The following UMODL1 variants were observed in gnomAD, a reference collection of about 807,000 sequenced individuals.
UMODL1 encodes the protein uromodulin-like 1.
UMODL1 carries 128 observed loss-of-function variants against 136.3 expected under a neutral mutation model. The observed-to-expected ratio is 0.94, with a 90% CI of 0.81 to 1.09. The LOEUF is 1.09. Ranked by LOEUF, UMODL1 falls within the 50% of genes least tolerant of loss-of-function variation. The pLI is 0.00. For synonymous variants in UMODL1, 721 were observed against 720.0 expected, an observed-to-expected ratio of 1.00 and a Z score of -0.02; for missense variants, 1,766 against 1,725.6, an observed-to-expected ratio of 1.02 and a Z score of -0.41.
intron 14 of UMODL1, among the ~76,000 whole-genome samples, chr21:42,118,439 A>T (rs987899194): frequency 1.3e-5 from 2 of 152,242 alleles, no homozygotes; most frequent in African/African-American, 4.8e-5. Flanking sequence ...GAAGCTCATT[A>T]TAAGATTGTT....
intron 21 of UMODL1, among the ~76,000 whole-genome samples, chr21:42,132,095 C>G (rs1476091032): frequency 2.0e-5 from 3 of 152,126 alleles, no homozygotes; most frequent in African/African-American, 7.2e-5. Context: ...TATGGTTCAT[C>G]CATCATCCAC....
In UMODL1 at chr21:42,137,512, G is replaced by A. The variant is rs751114329; in HGVS notation, c.3849G>A (p.Leu1283=). 1.9e-6 allele frequency: 3 copies of A among 1,614,258 alleles called. No homozygotes were observed. The highest frequency in any genetic ancestry group is 1.7e-5 in the Admixed American group (1 of 60,034). Reference sequence around the variant, plus strand: ...TTATTGTGGTGGCCATCTTCGTGCTGGTGGCGGGAACAGCCACCCTTCTGA... The same window carrying A: ...TTATTGTGGTGGCCATCTTCGTGCTAGTGGCGGGAACAGCCACCCTTCTGA... ...VVLIVVAIFV[L]VAGTATLLIV... is the part of the protein sequence containing the mutation. The change falls in exon 22 of 23, where the codon CTG becomes CTA. Residue 1283 remains leucine (L), a synonymous_variant. Transcript: ENST00000408910.
intron 1 of UMODL1, among the ~76,000 whole-genome samples, chr21:42,074,365 T>G (rs1218270827): frequency 6.6e-6 from 1 of 152,194 alleles, no homozygotes; most frequent in African/African-American, 2.4e-5. Context: ...CTTGATACCC[T>G]CTGTAAGACA....
At chr21:42,138,127 C>T (rs1032224668) in intron 22 of UMODL1, among the ~76,000 whole-genome samples, 3 of 152,132 alleles carry the variant, frequency 2.0e-5, no homozygotes, top group African/African-American at 2.4e-5. Context: ...CTTGACCACC[C>T]GGGCAAGGTC....
Position 42,126,929 on chromosome 21 carries a change from G to C in UMODL1, c.3294-77G>C, listed in dbSNP as rs202216713. On this transcript the variant is annotated intron_variant, in intron 18 of 22. Coordinates refer to ENST00000408910, the MANE Select transcript of UMODL1 (RefSeq NM_001004416.3). Reference sequence around the variant, plus strand: ...ACGTTCCTCTGGAGCTGTGTTTTAGGGGAGAAGTGGGAATGGGAGGGGCCA... The same window carrying C: ...ACGTTCCTCTGGAGCTGTGTTTTAGCGGAGAAGTGGGAATGGGAGGGGCCA... 2,535 of 1,163,782 alleles carry C rather than the reference G, an allele frequency of 2.2e-3. 6 individuals are homozygous for C. Among genetic ancestry groups the C allele is most frequent in the Middle Eastern group, 9.8e-3 (49 of 4,984 alleles). The allele number at this position is 1,163,782 out of a possible 1,614,324, so 72.1% of individuals were successfully genotyped here.
At chr21:42,094,736 T>A (rs969017435) in intron 6 of UMODL1, among the ~76,000 whole-genome samples, 4 of 152,190 alleles carry the variant, frequency 2.6e-5, no homozygotes, top group African/African-American at 9.7e-5. Context: ...AAAGAGAGAT[T>A]GGCCTTAGCA....
At chr21:42,141,222 C>T (rs2067276862) in intron 22 of UMODL1, among the ~76,000 whole-genome samples, 1 of 152,228 alleles carries the variant, frequency 6.6e-6, no homozygotes, top group Non-Finnish European at 1.5e-5. Context: ...AAAAGGCAAC[C>T]TCCATGCTGC....
intron 2 of UMODL1, among the ~76,000 whole-genome samples, chr21:42,078,037 A>T (rs2066315939): frequency 6.6e-6 from 1 of 152,204 alleles, no homozygotes; most frequent in South Asian, 2.1e-4. Context: ...GGCCAGGCAG[A>T]GAGAGGGCCT....
Position 42,122,886 on chromosome 21 carries a change from A to T in UMODL1, c.2883A>T (p.Thr961=). The T allele has an allele frequency of 6.2e-7, 1 of 1,613,674 alleles. No homozygotes were observed. Among genetic ancestry groups the T allele is most frequent in the Non-Finnish European group, 8.5e-7 (1 of 1,179,806 alleles). ...WATSPERPLT[T]AGTKAAFVQG... ...CCAGCCCAGAGAGGCCTCTCACCAC[A>T]GCAGGGACCAAGGCTGCCTTTGTGC... Residue 961 remains threonine (T), a synonymous_variant, in exon 17 of 23, where the codon ACA becomes ACT. Coordinates refer to ENST00000408910, the MANE Select transcript of UMODL1 (RefSeq NM_001004416.3). The surrounding 1 kb of genome is among the most constrained non-coding windows in gnomAD (Gnocchi z 4.3).
intron 13 of UMODL1, 61 bp from the exon 14 acceptor site, chr21:42,115,812 A>G: frequency 7.7e-7 from 1 of 1,296,582 alleles, no homozygotes; most frequent in Non-Finnish European, 1.1e-6. Context: ...TTAATATTGA[A>G]ATGTTAGTCT....
intron 8 of UMODL1, chr21:42,102,560 G>T: frequency 4.9e-6 from 1 of 202,832 alleles, no homozygotes; most frequent in Non-Finnish European, 9.9e-6. Context: ...TGGATTTTCT[G>T]TGGAACCTTC....
intron 11 of UMODL1, 77 bp downstream of exon 11, chr21:42,111,198 G>C (rs1453176097): frequency 3.3e-6 from 5 of 1,532,704 alleles, no homozygotes; most frequent in Non-Finnish European, 3.5e-6. Flanking sequence ...GGGAGCCCCA[G>C]CCAGGGGAGC....
chr21:42,075,944 A>C, intron 1 of UMODL1, 61 bp from the exon 2 acceptor site: 1 of 1,593,148 alleles, frequency 6.3e-7, no homozygotes, highest in Non-Finnish European at 8.6e-7. Context: ...CCTTGCGGAT[A>C]ACCGCTCGCA....
chr21:42,080,798 C>T (rs982580794), intron 2 of UMODL1, among the ~76,000 whole-genome samples: 4 of 152,222 alleles, frequency 2.6e-5, no homozygotes, highest in Non-Finnish European at 4.4e-5. Context: ...ATTTGTAGCA[C>T]GATTTTACCA....
chr21:42,075,249 G>GT (rs1555917902), intron 1 of UMODL1, among the ~76,000 whole-genome samples: 14 of 151,926 alleles, frequency 9.2e-5, no homozygotes, highest in Admixed American at 2.0e-4. Context: ...GATGGGGGGG[G>GT]GGTTTCACCA....
rs756498980 is a variant in UMODL1 at position 42,137,427 on chromosome 21, C to G, written c.3776-12C>G. 3.3e-5 allele frequency: 53 copies of G among 1,613,710 alleles called. No individual in the cohort carries two copies. Among genetic ancestry groups the G allele is most frequent in the Middle Eastern group, 3.3e-4 (2 of 5,994 alleles). On this transcript the variant is annotated splice_polypyrimidine_tract_variant and intron_variant, in intron 21 of 22. Transcript: ENST00000408910. ...GTGCAGATCTCTCACCTGTGCCTGT[C>G]TCCTCCCCGAGGTGAGCCTCCTCAT...
At chr21:42,113,467 G>A (rs2146509924) in intron 12 of UMODL1, 106 bp from the exon 13 acceptor site, 6 of 1,408,358 alleles carry the variant, frequency 4.3e-6, no homozygotes, top group East Asian at 2.3e-5. Context: ...CCTGCAAATC[G>A]CTCATGTCCC....
rs528101041 is a variant in UMODL1, at chr21:42,142,114, G to A, written c.*40G>A. The A allele has an allele frequency of 9.8e-5, 15 of 152,366 alleles. No individual in the cohort carries two copies. Among genetic ancestry groups the A allele is most frequent in the African/African-American group, 3.6e-4 (15 of 41,578 alleles). 9.4% of individuals were successfully genotyped at this position (152,366 alleles called of 1,614,324 possible). ...CACACAGGTCGCCGTGAGTCAAGCT[G>A]CCTCCAGAACCTCAGAGCTTCCCTG... On this transcript the variant is annotated 3_prime_UTR_variant, in exon 23 of 23. Coordinates refer to ENST00000408910, the MANE Select transcript of UMODL1 (RefSeq NM_001004416.3).
chr21:42,105,754 G>T lies in UMODL1; in HGVS notation c.1519+1667G>T, dbSNP rs565704275. Reference sequence around the variant, plus strand: ...AGCCCCTTTCCTAGAGCCCCAGAGGGAGGGCGGCCCTGCTGACACCTGGAG... The same window carrying T: ...AGCCCCTTTCCTAGAGCCCCAGAGGTAGGGCGGCCCTGCTGACACCTGGAG... On this transcript the variant is annotated intron_variant, in intron 9 of 22. Transcript: ENST00000408910. Among the ~76,000 whole-genome samples, 12 of 152,350 alleles carry T rather than the reference G, an allele frequency of 7.9e-5. No homozygotes were observed. The South Asian group carries it at 2.5e-3, about 32-fold the overall frequency.
Sources: gnomAD v4.1 joint callset for allele counts (sites outside exome capture counted in the v4.1 genomes callset) on GRCh38, gnomAD v4.1.1 for gene constraint, Gnocchi (gnomAD v3.1) non-coding constraint, MANE v1.5 for transcripts, NCBI Gene and HGNC (gene_info 2026-07-23, HGNC 2026-07-21) for gene names.